ELP4: variants seen among roughly 807,000 people sequenced by gnomAD.
ELP4 encodes elongator complex protein 4.
ELP4 carries 51 observed loss-of-function variants against 48.9 expected under a neutral mutation model. The ratio of observed to expected loss-of-function variants is 1.04; its 90% CI spans 0.83 to 1.32. ELP4 has a LOEUF of 1.32. Among genes scored for constraint, ELP4 ranks in the 40% most tolerant of loss-of-function variants. The pLI is 0.00. For synonymous variants in ELP4, 210 were observed against 189.2 expected (o/e 1.11, Z -0.90); for missense variants, 519 against 514.6 (o/e 1.01, Z -0.08).
intron 9 of ELP4, chr11:31,763,580 T>G (rs781734812): frequency 6.4e-7 from 1 of 1,554,316 alleles, no homozygotes; most frequent in Admixed American, 1.9e-5. Context: ...CAGCTAAAGC[T>G]TCTACTGAAA....
intron 9 of ELP4, among the ~76,000 whole-genome samples, chr11:31,762,635 A>G (rs1592289598): frequency 6.6e-6 from 1 of 152,088 alleles, no homozygotes; most frequent in African/African-American, 2.4e-5. Flanking sequence ...ATATTTAGCT[A>G]TGATTATTTA....
intron 3 of ELP4, among the ~76,000 whole-genome samples, chr11:31,567,215 G>T (rs893561177): frequency 2.0e-5 from 3 of 151,946 alleles, no homozygotes; most frequent in African/African-American, 7.3e-5. Flanking sequence ...TTACAGGCGT[G>T]AGCCACCGCA....
At chr11:31,778,658 T>A (rs191173376) in intron 9 of ELP4, among the ~76,000 whole-genome samples, 1 of 152,290 alleles carries the variant, frequency 6.6e-6, no homozygotes, top group East Asian at 1.9e-4. Flanking sequence ...CCATGATAGA[T>A]GAGGACACTG....
At position 31,790,240 on chromosome 11, in the gene ELP4, C is replaced by G; in HGVS notation, c.*6716C>G. On this transcript the variant is annotated 3_prime_UTR_variant, in exon 10 of 10. Transcript: ENST00000640961. ...TACCTATTGGATCCCAAGTACCCCC[C>G]ACCCCAATCCAAAGGAAAAGAAAAA... 1 of 530,874 alleles carries G rather than the reference C, an allele frequency of 1.9e-6. No individual in the cohort carries two copies. Among genetic ancestry groups the G allele is most frequent in the East Asian group, 3.3e-5 (1 of 30,254 alleles). 32.9% of individuals were successfully genotyped at this position (530,874 alleles called of 1,614,324 possible).
chr11:31,681,996 C>G (rs1363464904), intron 9 of ELP4: 2 of 1,171,032 alleles, frequency 1.7e-6, no homozygotes, highest in Non-Finnish European at 2.3e-6. Context: ...CCGCCTCAGC[C>G]TCCCAAAGTG....
At chr11:31,563,754 C>T (rs967873170) in intron 3 of ELP4, among the ~76,000 whole-genome samples, 4 of 152,074 alleles carry the variant, frequency 2.6e-5, no homozygotes, top group Non-Finnish European at 5.9e-5. Flanking sequence ...TTTATTTATT[C>T]ATGACCCTTG....
chr11:31,735,266 C>A (rs921623403), intron 9 of ELP4, among the ~76,000 whole-genome samples: 18 of 151,566 alleles, frequency 1.2e-4, no homozygotes, highest in African/African-American at 4.4e-4. Flanking sequence ...TGACCTGAAA[C>A]TGTTTAAAAC....
chr11:31,568,489 G>T (rs1162996437), intron 3 of ELP4, among the ~76,000 whole-genome samples: 2 of 152,024 alleles, frequency 1.3e-5, no homozygotes, highest in African/African-American at 4.8e-5. Context: ...TAAGCAAAAA[G>T]AACAAAACAA....
At chr11:31,550,612 A>G (rs1425678188) in intron 3 of ELP4, among the ~76,000 whole-genome samples, 1 of 152,150 alleles carries the variant, frequency 6.6e-6, no homozygotes, top group Non-Finnish European at 1.5e-5. Context: ...GGGAGACAAA[A>G]AAGAGTTGGA....
intron 9 of ELP4, among the ~76,000 whole-genome samples, chr11:31,781,769 T>TA (rs1948383037): frequency 6.6e-6 from 1 of 152,084 alleles, no homozygotes; most frequent in South Asian, 2.1e-4. Context: ...AGTGCTGGGA[T>TA]TACAGAAATG....
intron 3 of ELP4, among the ~76,000 whole-genome samples, chr11:31,556,301 C>T (rs983535283): frequency 6.6e-6 from 1 of 151,806 alleles, no homozygotes; most frequent in African/African-American, 2.4e-5. Flanking sequence ...AGTTAGCTTT[C>T]TTGTCTAAAG....
At chr11:31,736,668 A>T (rs1947325405) in intron 9 of ELP4, among the ~76,000 whole-genome samples, 1 of 152,246 alleles carries the variant, frequency 6.6e-6, no homozygotes, top group African/African-American at 2.4e-5. Context: ...TGGGCAAAGG[A>T]TCTGAACAGA....
intron 3 of ELP4, among the ~76,000 whole-genome samples, chr11:31,572,084 C>A (rs1485025662): frequency 5.3e-5 from 8 of 152,186 alleles, no homozygotes; most frequent in African/African-American, 1.9e-4. Flanking sequence ...CATGAAAGTC[C>A]TAGACAATAT....
At chr11:31,548,315 A>C (rs529709469) in intron 3 of ELP4, among the ~76,000 whole-genome samples, 85 of 152,252 alleles carry the variant, frequency 5.6e-4, no homozygotes, top group African/African-American at 1.9e-3. Flanking sequence ...ATGTACAAAA[A>C]TCACAAGCAT....
rs542289214 is a variant in ELP4 at position 31,732,433 on chromosome 11, A to T, written c.1144-50960A>T. ...CACAAAGAAAATACCTTTAGAAGAT[A>T]CAAAAGAAAATGATAAAGGAATCAA... is the stretch of plus-strand genomic sequence containing the variant. On this transcript the variant is annotated intron_variant, in intron 9 of 9. Coordinates refer to ENST00000640961, the MANE Select transcript of ELP4 (RefSeq NM_019040.5). Among the ~76,000 whole-genome samples the T allele has an allele frequency of 3.8e-4, 57 of 151,600 alleles. No individual in the cohort carries two copies. In the South Asian group the frequency reaches 0.011, roughly 29 times the overall value.
At chr11:31,748,543 T>C (rs969726064) in intron 9 of ELP4, among the ~76,000 whole-genome samples, 1 of 151,836 alleles carries the variant, frequency 6.6e-6, no homozygotes, top group African/African-American at 2.4e-5. Flanking sequence ...CCACACCTGG[T>C]CGTAAACCAA....
At chr11:31,576,087 TAGA>T (rs1249544468) in intron 3 of ELP4, among the ~76,000 whole-genome samples, 1 of 152,134 alleles carries the variant, frequency 6.6e-6, no homozygotes, top group Non-Finnish European at 1.5e-5. Flanking sequence ...AATAAAGGGA[TAGA>T]AGAAGATCTA....
At chr11:31,619,626 TAATCACCTCCCAA>T (rs1331001363) in intron 5 of ELP4, among the ~76,000 whole-genome samples, 1 of 151,466 alleles carries the variant, frequency 6.6e-6, no homozygotes, top group African/African-American at 2.4e-5. Flanking sequence ...CCTCATGACC[TAATCACCTCCCAA>T]AATTTTCACC....
chr11:31,686,108 A>G (rs1199250728), intron 9 of ELP4, among the ~76,000 whole-genome samples: 1 of 152,118 alleles, frequency 6.6e-6, no homozygotes, highest in Non-Finnish European at 1.5e-5. Context: ...TGACTTAGTC[A>G]AAATGAAAGC....
Sources: allele counts gnomAD v4.1 joint callset (sites outside exome capture counted in the v4.1 genomes callset), GRCh38; gene constraint gnomAD v4.1.1; transcripts MANE v1.5; gene names NCBI Gene and HGNC (gene_info 2026-07-23, HGNC 2026-07-21).